BRD4: variants seen among roughly 807,000 people sequenced by gnomAD.
BRD4 encodes the protein bromodomain containing 4.
BRD4 carries 16 observed loss-of-function variants against 142.1 expected under a neutral mutation model. That is an observed-to-expected ratio of 0.11 (90% CI 0.08 to 0.17). The LOEUF (loss-of-function observed/expected upper bound fraction) is 0.17, where lower values mean the gene tolerates loss of function less well. Among genes scored for constraint, BRD4 ranks in the 10% least tolerant of loss-of-function variants. The probability of loss-of-function intolerance (pLI) is 1.00; values close to 1 mark genes in which losing one functional copy is unlikely to be tolerated. For missense variants in BRD4, 1,424 were observed against 1,810.9 expected, an observed-to-expected ratio of 0.79 and a Z score of 3.88; for synonymous variants, 833 against 707.5, an observed-to-expected ratio of 1.18 and a Z score of -2.82.
At position 15,263,682 on chromosome 19, in the gene BRD4, G is replaced by C. The variant is rs2047499414; in HGVS notation, c.1213-134C>G. 4.1e-5 allele frequency: 47 copies of C among 1,141,188 alleles called. No individual in the cohort carries two copies. In the South Asian group the frequency reaches 6.9e-4, roughly 17 times the overall value. 70.7% of individuals were successfully genotyped at this position (1,141,188 alleles called of 1,614,324 possible). A position where few individuals can be genotyped will look rare whatever the true frequency, so the allele number is the denominator to read the frequency against. ...TCTCAGTTTGGTCAAGACTCTAGTG[G>C]GGGGACAGGCCATCACCCCAGTTCT... On this transcript the variant is annotated intron_variant, in intron 6 of 19. Transcript: ENST00000679869.
At chr19:15,302,122 A>G (rs1385399380) in intron 1 of BRD4, among the ~76,000 whole-genome samples, 1 of 151,770 alleles carries the variant, frequency 6.6e-6, no homozygotes, top group Admixed American at 6.6e-5. Flanking sequence ...AGCCAAGATT[A>G]CGCCACTGCC....
intron 1 of BRD4, among the ~76,000 whole-genome samples, chr19:15,317,450 G>A (rs2048026587): frequency 6.6e-6 from 1 of 152,116 alleles, no homozygotes; most frequent in Non-Finnish European, 1.5e-5. Flanking sequence ...GTAAGCAATA[G>A]AAAAAAATTA....
chr19:15,265,284 T>G, intron 5 of BRD4, 70 bp downstream of exon 5: 2 of 1,387,204 alleles, frequency 1.4e-6, no homozygotes, highest in Non-Finnish European at 1.9e-6. Context: ...AGGCTCTGTG[T>G]AAAGCACGGG....
At chr19:15,313,474 A>G (rs1671819146) in intron 1 of BRD4, among the ~76,000 whole-genome samples, 2 of 150,732 alleles carry the variant, frequency 1.3e-5, no homozygotes, top group Non-Finnish European at 2.9e-5. Context: ...GGAGTTCAAG[A>G]CTAAGCCTGG....
chr19:15,242,406 G>A (rs1022037418), intron 14 of BRD4, among the ~76,000 whole-genome samples: 7 of 152,192 alleles, frequency 4.6e-5, no homozygotes, highest in South Asian at 4.1e-4. Flanking sequence ...TGGGCTGGAG[G>A]CTGGTAACAG....
At chr19:15,293,842 T>C (rs1005103864) in intron 1 of BRD4, among the ~76,000 whole-genome samples, 1 of 152,188 alleles carries the variant, frequency 6.6e-6, no homozygotes, top group Admixed American at 6.5e-5. Flanking sequence ...GTAACCACTA[T>C]TTTTTGTGTA....
rs569376948 is a variant in BRD4 at position 15,238,575 on chromosome 19, G to A, written c.4021-130C>T. 29 of 1,526,716 alleles carry A rather than the reference G, an allele frequency of 1.9e-5. No homozygotes were observed. The highest frequency in any genetic ancestry group is 1.4e-4 in the Admixed American group (7 of 49,084). 94.6% of individuals were successfully genotyped at this position (1,526,716 alleles called of 1,614,324 possible). A position where few individuals can be genotyped will look rare whatever the true frequency, so the allele number is the denominator to read the frequency against. On this transcript the variant is annotated intron_variant, in intron 19 of 19. Transcript: ENST00000679869. The surrounding 1 kb of genome is among the most constrained non-coding windows in gnomAD (Gnocchi z 7.2). ...GCTGACCCCTCATAGCGCTCACCCC[G>A]TCCACACAGCACTCAGGGCCCTACA...
rs2047205422 is a variant in BRD4, at chr19:15,237,794, TACAG to T, written c.*579_*582del. ...ATTCCCTTTTGCACAAGCAAACACT[TACAG>T]AGAGCGGCTCTCAATTAAAGGCTTG... On this transcript the variant is annotated 3_prime_UTR_variant, in exon 20 of 20. Coordinates refer to ENST00000679869, the MANE Select transcript of BRD4 (RefSeq NM_001379291.1). 1.3e-5 allele frequency: 3 copies of T among 229,234 alleles called. No homozygotes were observed. Among genetic ancestry groups the T allele is most frequent in the African/African-American group, 6.7e-5 (3 of 44,882 alleles). The allele number at this position is 229,234 out of a possible 1,614,324, so 14.2% of individuals were successfully genotyped here.
intron 7 of BRD4, among the ~76,000 whole-genome samples, chr19:15,262,140 GACA>G (rs1218560141): frequency 6.6e-6 from 1 of 152,156 alleles, no homozygotes; most frequent in Admixed American, 6.5e-5. Flanking sequence ...GGGAGTCTAG[GACA>G]ACATGAGAAC....
In BRD4 at chr19:15,238,263, G is replaced by A. The variant is rs528104254; in HGVS notation, c.*114C>T. 90 of 1,530,268 alleles carry A rather than the reference G, an allele frequency of 5.9e-5. 1 individual carries two copies. The East Asian group carries it at 1.8e-3, about 31-fold the overall frequency. 94.8% of individuals were successfully genotyped at this position (1,530,268 alleles called of 1,614,324 possible). A position where few individuals can be genotyped will look rare whatever the true frequency, so the allele number is the denominator to read the frequency against. On this transcript the variant is annotated 3_prime_UTR_variant, in exon 20 of 20. Transcript: ENST00000679869. This position sits in a 1 kb window ranked among gnomAD's most constrained non-coding sequence, Gnocchi z 7.2. ...CTGCCCCGGGCATAGCATGCAGGAGGGCCAGGCCCTGAGGCATCCCCTGGC... is the reference window on the plus strand; with the variant it reads ...CTGCCCCGGGCATAGCATGCAGGAGAGCCAGGCCCTGAGGCATCCCCTGGC...
At position 15,246,322 on chromosome 19, in the gene BRD4, A is replaced by G. The variant is rs1396085520; in HGVS notation, c.2159-1560T>C. On this transcript the variant is annotated intron_variant, in intron 11 of 19. Transcript: ENST00000679869. The stretch of plus-strand genomic sequence containing the variant: ...GGCTGCAGAGGTTGGCAGCCACAGG[A>G]CCAGGGGGACCCTGCACACTAGGGA... Among the ~76,000 whole-genome samples the G allele has an allele frequency of 2.0e-5, 3 of 152,064 alleles. No individual in the cohort carries two copies. The East Asian group carries it at 5.8e-4, about 29-fold the overall frequency.
chr19:15,302,000 G>A (rs1321037200), intron 1 of BRD4, among the ~76,000 whole-genome samples: 1 of 151,024 alleles, frequency 6.6e-6, no homozygotes, highest in Middle Eastern at 3.2e-3. Flanking sequence ...AACTCCATCT[G>A]CACTAAAAAT....
At chr19:15,269,099 C>T in intron 2 of BRD4, 57 bp from the exon 3 acceptor site, 1 of 1,599,188 alleles carries the variant, frequency 6.3e-7, no homozygotes, top group Non-Finnish European at 8.5e-7. Flanking sequence ...AGCACAAACG[C>T]TGGGCTGGCC....
chr19:15,262,849 C>T (rs1052626436), intron 7 of BRD4, among the ~76,000 whole-genome samples: 2 of 152,124 alleles, frequency 1.3e-5, no homozygotes, highest in African/African-American at 4.8e-5. Context: ...AGGTATTTTT[C>T]CTTTTTTAAA....
At chr19:15,281,034 T>C (rs1220800304) in intron 1 of BRD4, among the ~76,000 whole-genome samples, 2 of 152,374 alleles carry the variant, frequency 1.3e-5, no homozygotes, top group East Asian at 3.9e-4. Context: ...CTTCTTTAAT[T>C]GTGCAATCTG....
intron 1 of BRD4, among the ~76,000 whole-genome samples, chr19:15,330,538 G>A (rs1291143344): frequency 6.6e-6 from 1 of 152,194 alleles, no homozygotes; most frequent in African/African-American, 2.4e-5. Context: ...AGCCGAGGAG[G>A]ATGGAACACC....
intron 1 of BRD4, among the ~76,000 whole-genome samples, chr19:15,297,084 T>C (rs2047829251): frequency 6.6e-6 from 1 of 152,164 alleles, no homozygotes; most frequent in African/African-American, 2.4e-5. Flanking sequence ...AAACAAAAGA[T>C]ACATAAAAGC....
chr19:15,264,479 A>T lies in BRD4; in HGVS notation c.1137T>A (p.Pro379=), dbSNP rs1215551677. 6.2e-7 allele frequency: 1 copy of T among 1,613,350 alleles called. No homozygotes were observed. The highest frequency in any genetic ancestry group is 1.7e-5 in the Admixed American group (1 of 59,966). Residue 379 remains proline, a synonymous_variant, in exon 6 of 20, where the codon CCT becomes CCA. Coordinates refer to ENST00000679869, the MANE Select transcript of BRD4 (RefSeq NM_001379291.1). ...HAAYAWPFYK[P]VDVEALGLHD... ...GTAGGCCCAGTGCCTCCACGTCCAC[A>T]GGCTTGTAGAAGGGCCAGGCGTAGG... is the stretch of plus-strand genomic sequence containing the variant.
chr19:15,314,241 A>C, intron 1 of BRD4, among the ~76,000 whole-genome samples: 1 of 152,232 alleles, frequency 6.6e-6, no homozygotes, highest in East Asian at 1.9e-4. Flanking sequence ...GTGTGGACGC[A>C]TAGAATGAAT....
Sources: gnomAD v4.1 joint callset for allele counts (sites outside exome capture counted in the v4.1 genomes callset) on GRCh38, gnomAD v4.1.1 for gene constraint, Gnocchi (gnomAD v3.1) non-coding constraint, MANE v1.5 for transcripts, NCBI Gene and HGNC (gene_info 2026-07-23, HGNC 2026-07-21) for gene names.